Variants in TTC7B observed in about 807,000 individuals in gnomAD.
TTC7B encodes tetratricopeptide repeat domain 7B.
TTC7B carries 28 observed loss-of-function variants against 106.8 expected under a neutral mutation model. That is an observed-to-expected ratio of 0.26 (90% CI 0.19 to 0.36). The LOEUF (loss-of-function observed/expected upper bound fraction) is 0.36, where lower values mean the gene tolerates loss of function less well. Among genes scored for constraint, TTC7B ranks in the 10% least tolerant of loss-of-function variants. The probability of loss-of-function intolerance (pLI) is 1.00; values close to 1 mark genes in which losing one functional copy is unlikely to be tolerated. For missense variants in TTC7B, 862 were observed against 1,076.4 expected (o/e 0.80, Z 2.79); for synonymous variants, 405 against 430.6 (o/e 0.94, Z 0.74).
intron 9 of TTC7B, chr14:90,676,312 C>T (rs1052574808): frequency 7.0e-6 from 3 of 427,994 alleles, no homozygotes; most frequent in Middle Eastern, 6.1e-4. Context: ...ATGGAACTCT[C>T]ATGGTAAAAG....
At chr14:90,715,938 C>A (rs1490605340) in intron 5 of TTC7B, among the ~76,000 whole-genome samples, 2 of 152,232 alleles carry the variant, frequency 1.3e-5, no homozygotes, top group Admixed American at 1.3e-4. Flanking sequence ...CCTTCTCCCC[C>A]AGTACAGACC....
chr14:90,534,933 C>G lies in TTC7B; in HGVS notation c.*6435G>C, dbSNP rs1223420486. The G allele has an allele frequency of 6.6e-6, 1 of 152,266 alleles. No individual in the cohort carries two copies. The highest frequency in any genetic ancestry group is 1.9e-4 in the East Asian group (1 of 5,182). The allele number at this position is 152,266 out of a possible 1,614,324, so 9.4% of individuals were successfully genotyped here. Reference sequence around the variant, plus strand: ...TGGGCCCGCAATGATGACTGTGTGGCCGCCGGGGAGATGCGTGGGGCCATC... The same window carrying G: ...TGGGCCCGCAATGATGACTGTGTGGGCGCCGGGGAGATGCGTGGGGCCATC... On this transcript the variant is annotated 3_prime_UTR_variant, in exon 20 of 20. Transcript: ENST00000328459.
intron 15 of TTC7B, among the ~76,000 whole-genome samples, chr14:90,634,509 G>A (rs1337782943): frequency 6.6e-6 from 1 of 152,004 alleles, no homozygotes; most frequent in Admixed American, 6.6e-5. Flanking sequence ...GGGTGGGTCA[G>A]GCCTGTAATC....
rs1595197173 is a variant in TTC7B at position 90,604,168 on chromosome 14, A to G, written c.1966+6574T>C. Among the ~76,000 whole-genome samples the G allele has an allele frequency of 2.0e-5, 3 of 152,338 alleles. No homozygotes were observed. In the East Asian group the frequency reaches 5.8e-4, roughly 29 times the overall value. ...GGGTCTGTTGTGCAGAAAAGAGTGG[A>G]CAGGGAAGTGGGAACATACCATGTT... On this transcript the variant is annotated intron_variant, in intron 17 of 19. Transcript: ENST00000328459.
At chr14:90,635,114 G>A (rs2139869446) in intron 15 of TTC7B, among the ~76,000 whole-genome samples, 1 of 152,278 alleles carries the variant, frequency 6.6e-6, no homozygotes, top group African/African-American at 2.4e-5. Flanking sequence ...GCCTAGAATT[G>A]TACATCCAAT....
chr14:90,786,970 A>G (rs1891414217), intron 1 of TTC7B, among the ~76,000 whole-genome samples: 1 of 152,232 alleles, frequency 6.6e-6, no homozygotes, highest in Non-Finnish European at 1.5e-5. Context: ...TGATCTTTAT[A>G]AAACACACAC....
chr14:90,621,900 CACAA>C (rs1216569780), intron 15 of TTC7B, among the ~76,000 whole-genome samples: 1 of 152,142 alleles, frequency 6.6e-6, no homozygotes, highest in East Asian at 1.9e-4. Flanking sequence ...ACGAAGAGTA[CACAA>C]ACAATGATCA....
At chr14:90,810,423 A>G (rs1357272884) in intron 1 of TTC7B, among the ~76,000 whole-genome samples, 1 of 152,064 alleles carries the variant, frequency 6.6e-6, no homozygotes, top group Non-Finnish European at 1.5e-5. Context: ...AAGCAACCCA[A>G]CTCCAAGCCA....
intron 5 of TTC7B, among the ~76,000 whole-genome samples, chr14:90,709,348 A>C (rs1247914131): frequency 6.6e-6 from 1 of 151,402 alleles, no homozygotes; most frequent in African/African-American, 2.4e-5. Context: ...ATGGAATACT[A>C]TGCAGCCATA....
chr14:90,725,277 G>A (rs570270353), intron 5 of TTC7B, among the ~76,000 whole-genome samples: 8 of 152,284 alleles, frequency 5.3e-5, no homozygotes, highest in East Asian at 1.9e-4. Context: ...GCATGCTCAC[G>A]TCCTGGCGGG....
chr14:90,571,373 C>T (rs1340685997), intron 19 of TTC7B, among the ~76,000 whole-genome samples: 2 of 152,142 alleles, frequency 1.3e-5, no homozygotes, highest in Admixed American at 6.5e-5. Flanking sequence ...GTCCTCGGCA[C>T]TGTGAGTTGG....
rs1595137696 is a variant in TTC7B, at chr14:90,533,898, C to G, written c.*7470G>C. ...GAGTGTCCAGGAGGAGTCCTGCCTG[C>G]TGGCCTGGCCCTGAGGCCCTGTGTG... On this transcript the variant is annotated 3_prime_UTR_variant, in exon 20 of 20. Coordinates refer to ENST00000328459, the MANE Select transcript of TTC7B (RefSeq NM_001010854.2). 1 of 152,406 alleles carries G rather than the reference C, an allele frequency of 6.6e-6. No homozygotes were observed. The highest frequency in any genetic ancestry group is 1.9e-4 in the East Asian group (1 of 5,180). 9.4% of individuals were successfully genotyped at this position (152,406 alleles called of 1,614,324 possible).
chr14:90,571,427 T>G (rs1891030811), intron 19 of TTC7B, among the ~76,000 whole-genome samples: 1 of 152,184 alleles, frequency 6.6e-6, no homozygotes, highest in Non-Finnish European at 1.5e-5. Flanking sequence ...AATGAGGGCC[T>G]GTGCACTTTT....
At chr14:90,563,483 G>C (rs781443959) in intron 19 of TTC7B, among the ~76,000 whole-genome samples, 3 of 152,240 alleles carry the variant, frequency 2.0e-5, no homozygotes, top group Non-Finnish European at 2.9e-5. Context: ...CCCTCAGCAA[G>C]TGATACGCTT....
intron 19 of TTC7B, among the ~76,000 whole-genome samples, chr14:90,549,667 G>A (rs1011892136): frequency 2.0e-5 from 3 of 152,164 alleles, no homozygotes; most frequent in Non-Finnish European, 4.4e-5. Context: ...GAGGTTGGGG[G>A]TGTGAGTCCT....
intron 9 of TTC7B, among the ~76,000 whole-genome samples, chr14:90,673,073 T>C (rs1437171693): frequency 6.6e-6 from 1 of 152,156 alleles, no homozygotes; most frequent in African/African-American, 2.4e-5. Flanking sequence ...CTAGAGCCTG[T>C]GACACACTAT....
intron 7 of TTC7B, among the ~76,000 whole-genome samples, chr14:90,684,305 C>G (rs1417459888): frequency 6.6e-6 from 1 of 152,118 alleles, no homozygotes; most frequent in Non-Finnish European, 1.5e-5. Context: ...GAAGCTACCT[C>G]AACTGCTTCT....
At chr14:90,611,569 G>A (rs1418012590) in intron 16 of TTC7B, among the ~76,000 whole-genome samples, 1 of 152,174 alleles carries the variant, frequency 6.6e-6, no homozygotes, top group African/African-American at 2.4e-5. Context: ...CTGGCTGATA[G>A]GGACACACAG....
At position 90,534,259 on chromosome 14, in the gene TTC7B, A is replaced by G. The variant is rs76039170; in HGVS notation, c.*7109T>C. The G allele has an allele frequency of 0.12, 18,623 of 152,426 alleles. 2,569 individuals are homozygous for G. The highest frequency in any genetic ancestry group is 0.34 in the African/African-American group (14,190 of 41,532). The allele number at this position is 152,426 out of a possible 1,614,324, so 9.4% of individuals were successfully genotyped here. ...CGTGGGCAGGGGCAGCAGGAAATGC[A>G]TGACCACAAGTGTGGGAGGAATGTT... On this transcript the variant is annotated 3_prime_UTR_variant, in exon 20 of 20. Transcript: ENST00000328459.
Sources: gnomAD v4.1 joint callset for allele counts (sites outside exome capture counted in the v4.1 genomes callset) on GRCh38, gnomAD v4.1.1 for gene constraint, MANE v1.5 for transcripts, NCBI Gene and HGNC (gene_info 2026-07-23, HGNC 2026-07-21) for gene names.